The following CSMD1 variants were observed in gnomAD, a reference collection of about 807,000 sequenced individuals.
CSMD1 encodes CUB and Sushi multiple domains 1.
A neutral mutation model predicts 417.5 loss-of-function variants in CSMD1; 213 were observed. The observed-to-expected ratio is 0.51, with a 90% confidence interval of 0.46 to 0.57. The LOEUF (loss-of-function observed/expected upper bound fraction) is 0.57, where lower values mean the gene tolerates loss of function less well. CSMD1 is among the 20% of genes least tolerant of loss of function. The pLI is 0.00. For missense variants in CSMD1, 6,923 were observed against 4,529.7 expected, an observed-to-expected ratio of 1.53 and a Z score of -15.17; for synonymous variants, 2,862 against 1,736.8, an observed-to-expected ratio of 1.65 and a Z score of -16.11.
chr8:3,977,460 T>C (rs1319228813), intron 5 of CSMD1, among the ~76,000 whole-genome samples: 2 of 152,302 alleles, frequency 1.3e-5, no homozygotes, highest in Non-Finnish European at 2.9e-5. Context: ...TTGGATGGCA[T>C]TGGTGCGACT....
At chr8:4,372,853 C>G (rs1802479559) in intron 3 of CSMD1, among the ~76,000 whole-genome samples, 2 of 152,004 alleles carry the variant, frequency 1.3e-5, no homozygotes, top group Admixed American at 6.6e-5. Flanking sequence ...GTGCAGAAGA[C>G]TACAAAATTA....
At chr8:4,541,067 G>A (rs1407446536) in intron 2 of CSMD1, among the ~76,000 whole-genome samples, 1 of 152,160 alleles carries the variant, frequency 6.6e-6, no homozygotes, top group African/African-American at 2.4e-5. Context: ...AAACTCTAAG[G>A]ACATTTTTGT....
intron 11 of CSMD1, among the ~76,000 whole-genome samples, chr8:3,491,076 T>G (rs895699): frequency 1.3e-5 from 2 of 151,998 alleles, no homozygotes; most frequent in African/African-American, 4.8e-5. Flanking sequence ...AGCAAAAAAG[T>G]ATGCCAATGT....
chr8:3,953,956 G>T (rs961845076), intron 5 of CSMD1, among the ~76,000 whole-genome samples: 1 of 152,180 alleles, frequency 6.6e-6, no homozygotes, highest in African/African-American at 2.4e-5. Context: ...CTCGCCTTAG[G>T]CTGGGAGCGC....
chr8:4,277,478 TA>T (rs765996113), intron 3 of CSMD1, among the ~76,000 whole-genome samples: 4 of 152,112 alleles, frequency 2.6e-5, no homozygotes, highest in Admixed American at 1.3e-4. Context: ...TGTACCGTCT[TA>T]AAAAAGCATA....
intron 5 of CSMD1, among the ~76,000 whole-genome samples, chr8:3,830,720 T>A (rs1183857746): frequency 6.6e-6 from 1 of 152,174 alleles, no homozygotes; most frequent in Non-Finnish European, 1.5e-5. Context: ...CCTGCTGAAC[T>A]TTGTGTTTAT....
chr8:4,511,258 C>G (rs557710630), intron 2 of CSMD1, among the ~76,000 whole-genome samples: 1 of 152,036 alleles, frequency 6.6e-6, no homozygotes, highest in Non-Finnish European at 1.5e-5. Flanking sequence ...ACTTGGCGGC[C>G]GATTTCCAGA....
Position 4,994,510 on chromosome 8 carries a change from G to A in CSMD1, c.-94C>T, listed in dbSNP as rs188661684. On this transcript the variant is annotated 5_prime_UTR_variant, in exon 1 of 70. Transcript: ENST00000635120. ...CCAAATAATCACCCGAGGGCAAGGC[G>A]AGCCGGAGAGAGAGCCCGGTCCCAA... The A allele has an allele frequency of 1.8e-4, 207 of 1,137,942 alleles. No homozygotes were observed. The African/African-American group carries it at 2.8e-3, about 15-fold the overall frequency. 70.5% of individuals were successfully genotyped at this position (1,137,942 alleles called of 1,614,324 possible).
chr8:3,697,046 G>T (rs745499050), intron 7 of CSMD1, among the ~76,000 whole-genome samples: 3 of 152,138 alleles, frequency 2.0e-5, no homozygotes, highest in Non-Finnish European at 4.4e-5. Flanking sequence ...TCCATTGAGG[G>T]CAGACACAAG....
chr8:4,721,905 G>C (rs1297395467), intron 1 of CSMD1, among the ~76,000 whole-genome samples: 1 of 152,110 alleles, frequency 6.6e-6, no homozygotes, highest in Admixed American at 6.6e-5. Flanking sequence ...ATTATGTCAA[G>C]AGAAATAAAC....
At chr8:4,440,540 TGC>T (rs1346976840) in intron 2 of CSMD1, among the ~76,000 whole-genome samples, 15 of 152,322 alleles carry the variant, frequency 9.8e-5, no homozygotes, top group East Asian at 3.9e-4. Flanking sequence ...CAGATAACAT[TGC>T]TGACATGCAT....
At chr8:3,659,846 C>T (rs540389741) in intron 7 of CSMD1, among the ~76,000 whole-genome samples, 1 of 152,144 alleles carries the variant, frequency 6.6e-6, no homozygotes, top group East Asian at 1.9e-4. Context: ...ATAGACTATA[C>T]AATTTCAACT....
chr8:4,089,968 T>G (rs1307955573), intron 3 of CSMD1, among the ~76,000 whole-genome samples: 1 of 152,204 alleles, frequency 6.6e-6, no homozygotes, highest in African/African-American at 2.4e-5. Context: ...GACTTTCAGA[T>G]AGAATGCCGC....
chr8:4,834,347 C>G (rs551539732), intron 1 of CSMD1, among the ~76,000 whole-genome samples: 77 of 152,162 alleles, frequency 5.1e-4, no homozygotes, highest in African/African-American at 1.7e-3. Flanking sequence ...ATGGCAAGAA[C>G]GCATCATCTG....
chr8:3,838,296 G>A (rs1036532862), intron 5 of CSMD1, among the ~76,000 whole-genome samples: 5 of 151,918 alleles, frequency 3.3e-5, no homozygotes, highest in Non-Finnish European at 2.9e-5. Context: ...CAACACTTTG[G>A]GAGGCAAGGC....
intron 26 of CSMD1, among the ~76,000 whole-genome samples, chr8:3,257,502 G>T (rs1800743558): frequency 1.3e-5 from 2 of 152,322 alleles, no homozygotes; most frequent in African/African-American, 4.8e-5. Flanking sequence ...CAGTGACAGT[G>T]CGTTGGGATA....
At chr8:4,717,171 G>C (rs1038079625) in intron 1 of CSMD1, among the ~76,000 whole-genome samples, 1 of 151,368 alleles carries the variant, frequency 6.6e-6, no homozygotes, top group Non-Finnish European at 1.5e-5. Flanking sequence ...GAGATATTTG[G>C]GAGTCAGGAG....
At chr8:4,765,902 C>A (rs953937962) in intron 1 of CSMD1, among the ~76,000 whole-genome samples, 1 of 152,174 alleles carries the variant, frequency 6.6e-6, no homozygotes, top group Non-Finnish European at 1.5e-5. Context: ...ACATTTATAT[C>A]ATTAAATGCC....
intron 2 of CSMD1, among the ~76,000 whole-genome samples, chr8:4,501,352 T>C (rs1053249359): frequency 2.6e-5 from 4 of 152,168 alleles, no homozygotes; most frequent in Non-Finnish European, 5.9e-5. Context: ...TCATTTAAGG[T>C]ATTCTTTTTA....
Sources: allele counts gnomAD v4.1 joint callset (sites outside exome capture counted in the v4.1 genomes callset), GRCh38; gene constraint gnomAD v4.1.1; transcripts MANE v1.5; gene names NCBI Gene and HGNC (gene_info 2026-07-23, HGNC 2026-07-21).